AHRR: variants seen among roughly 807,000 people sequenced by gnomAD.
AHRR encodes the protein ahR repressor.
A neutral mutation model predicts 44.0 loss-of-function variants in AHRR; 28 were observed. That is an observed-to-expected ratio of 0.64 (90% CI 0.47 to 0.87). The LOEUF is 0.87. Among genes scored for constraint, AHRR ranks in the 40% least tolerant of loss-of-function variants. The probability of loss-of-function intolerance (pLI) is 0.00; values close to 1 mark genes in which losing one functional copy is unlikely to be tolerated. For synonymous variants in AHRR, 434 were observed against 407.0 expected, an observed-to-expected ratio of 1.07 and a Z score of -0.80; for missense variants, 990 against 953.9, an observed-to-expected ratio of 1.04 and a Z score of -0.50.
At chr5:423,786 C>G in intron 6 of AHRR, 55 bp from the exon 7 acceptor site, 1 of 1,546,644 alleles carries the variant, frequency 6.5e-7, no homozygotes, top group East Asian at 2.3e-5. Context: ...GTGCGTGTGA[C>G]ACGTGTGTTT....
intron 4 of AHRR, among the ~76,000 whole-genome samples, chr5:390,001 AGACAG>A (rs927912740): frequency 6.6e-6 from 1 of 151,568 alleles, no homozygotes; most frequent in African/African-American, 2.4e-5. Context: ...CGCAGAATGC[AGACAG>A]GACAGGACAG....
chr5:435,364 G>GTTTTTT lies in AHRR; in HGVS notation c.*531_*532insTTTTTT. 1 of 159,720 alleles carries GTTTTTT rather than the reference G, an allele frequency of 6.3e-6. No individual in the cohort carries two copies. Among genetic ancestry groups the GTTTTTT allele is most frequent in the Non-Finnish European group, 1.4e-5 (1 of 72,576 alleles). 9.9% of individuals were successfully genotyped at this position (159,720 alleles called of 1,614,324 possible). A position where few individuals can be genotyped will look rare whatever the true frequency, so the allele number is the denominator to read the frequency against. On this transcript the variant is annotated 3_prime_UTR_variant, in exon 11 of 11. Transcript: ENST00000684583. ...GGTCAGCCCATCGCCACAGTGCACT[G>GTTTTTT]TAGAGGCCAGCACACGGCAAATTAG...
chr5:395,528 T>A lies in AHRR; in HGVS notation c.352-17816T>A, dbSNP rs1368538359. Among the ~76,000 whole-genome samples the A allele has an allele frequency of 6.6e-6, 1 of 152,174 alleles. No homozygotes were observed. Among genetic ancestry groups the A allele is most frequent in the African/African-American group, 2.4e-5 (1 of 41,456 alleles). On this transcript the variant is annotated intron_variant, in intron 4 of 10. Coordinates refer to ENST00000684583, the MANE Select transcript of AHRR (RefSeq NM_001377236.1). This position sits in a 1 kb window ranked among gnomAD's most constrained non-coding sequence, Gnocchi z 5.3. ...AGGCCAGGTCATCAGAAGCGCCTGCTCCAGCTCCCACCCTGCCTGTGCCCA... is the reference window on the plus strand; with the variant it reads ...AGGCCAGGTCATCAGAAGCGCCTGCACCAGCTCCCACCCTGCCTGTGCCCA...
rs560483436 is a variant in AHRR, at chr5:324,104, G to C, written c.-11+2285G>C. ...AGACAGAGTCTTGTTCTGTCACCCA[G>C]GCTGGAGTGCAATGGCGCTTTCTTG... On this transcript the variant is annotated intron_variant, in intron 1 of 10. Coordinates refer to ENST00000684583, the MANE Select transcript of AHRR (RefSeq NM_001377236.1). 2.4e-3 allele frequency among the ~76,000 whole-genome samples: 362 copies of C among 150,924 alleles called. 3 individuals carry two copies. Among genetic ancestry groups the C allele is most frequent in the East Asian group, 1.2e-3 (6 of 5,118 alleles).
chr5:422,410 G>A, intron 5 of AHRR: 2 of 393,034 alleles, frequency 5.1e-6, no homozygotes, highest in Non-Finnish European at 9.6e-6. Flanking sequence ...CAAGTCGACA[G>A]GAAAGTGGAT....
At chr5:381,052 G>A (rs1456009307) in intron 4 of AHRR, among the ~76,000 whole-genome samples, 2 of 152,222 alleles carry the variant, frequency 1.3e-5, no homozygotes, top group African/African-American at 2.4e-5. Flanking sequence ...AGGGCAAGAG[G>A]AGAAAAAGGC....
rs1491351267 is a variant in AHRR at position 345,335 on chromosome 5, G to GAT, written c.62+1372_62+1373dup. 1.3e-3 allele frequency among the ~76,000 whole-genome samples: 13 copies of GAT among 10,096 alleles called. 1 individual carries two copies. Among genetic ancestry groups the GAT allele is most frequent in the African/African-American group, 5.4e-3 (13 of 2,400 alleles). The allele number at this position is 10,096 out of a possible 152,430, so 6.6% of individuals were successfully genotyped here. On this transcript the variant is annotated intron_variant, in intron 2 of 10. Transcript: ENST00000684583. ...GGATGTGTGTGTGTGTGTGTGTGGGGATGTGTGTGTGTGTGTGTCGGATGA... is the reference window on the plus strand; with the variant it reads ...GGATGTGTGTGTGTGTGTGTGTGGGGATATGTGTGTGTGTGTGTGTCGGATGA...
At chr5:378,176 C>T (rs908072692) in intron 4 of AHRR, among the ~76,000 whole-genome samples, 5 of 152,172 alleles carry the variant, frequency 3.3e-5, no homozygotes, top group African/African-American at 9.7e-5. Context: ...TCCAACAGGG[C>T]AAAATAAGCA....
intron 5 of AHRR, chr5:421,446 G>A (rs1049812634): frequency 3.7e-6 from 2 of 543,036 alleles, no homozygotes; most frequent in Non-Finnish European, 3.3e-6. Flanking sequence ...GGGTGCCGGC[G>A]ATGCCCTGTG....
At chr5:333,420 A>T (rs1351336830) in intron 1 of AHRR, among the ~76,000 whole-genome samples, 1 of 152,100 alleles carries the variant, frequency 6.6e-6, no homozygotes, top group African/African-American at 2.4e-5. Flanking sequence ...ACATGGTGAA[A>T]CCCCATCTCT....
chr5:341,657 G>A (rs1579597716), intron 1 of AHRR, among the ~76,000 whole-genome samples: 1 of 151,592 alleles, frequency 6.6e-6, no homozygotes, highest in Admixed American at 6.6e-5. Flanking sequence ...GAGTAGCTGG[G>A]ATTATAGGCA....
In AHRR at chr5:346,061, C is replaced by A. The variant is rs144634214; in HGVS notation, c.62+2097C>A. Reference sequence around the variant, plus strand: ...GGTGAGCACATGCGCAAAACCATGCCTGGGGCCAGGCACACAGCCGAGGCC... The same window carrying A: ...GGTGAGCACATGCGCAAAACCATGCATGGGGCCAGGCACACAGCCGAGGCC... On this transcript the variant is annotated intron_variant, in intron 2 of 10. Coordinates refer to ENST00000684583, the MANE Select transcript of AHRR (RefSeq NM_001377236.1). Among the ~76,000 whole-genome samples, 249 of 152,292 alleles carry A rather than the reference C, an allele frequency of 1.6e-3. 1 individual carries two copies. Among genetic ancestry groups the A allele is most frequent in the Admixed American group, 3.8e-3 (58 of 15,302 alleles).
At chr5:369,294 G>A (rs1743482752) in intron 3 of AHRR, among the ~76,000 whole-genome samples, 1 of 152,050 alleles carries the variant, frequency 6.6e-6, no homozygotes, top group African/African-American at 2.4e-5. Context: ...CCTCTTCCTG[G>A]GCATTCTGTC....
At chr5:353,315 T>A (rs1272575182) in intron 2 of AHRR, among the ~76,000 whole-genome samples, 1 of 151,808 alleles carries the variant, frequency 6.6e-6, no homozygotes, top group Non-Finnish European at 1.5e-5. Flanking sequence ...CACCGAGGAG[T>A]CCCCTAAGGA....
At chr5:428,444 C>T (rs1243698056) in intron 8 of AHRR, among the ~76,000 whole-genome samples, 1 of 152,166 alleles carries the variant, frequency 6.6e-6, no homozygotes, top group African/African-American at 2.4e-5. Context: ...GGAGGGTGAA[C>T]GGCACAGCTG....
intron 3 of AHRR, among the ~76,000 whole-genome samples, chr5:366,483 C>T (rs918619980): frequency 6.6e-6 from 1 of 151,934 alleles, no homozygotes; most frequent in Non-Finnish European, 1.5e-5. Flanking sequence ...TAATTAATGG[C>T]TATAAGAAGA....
chr5:335,746 C>T (rs1225053215), intron 1 of AHRR, among the ~76,000 whole-genome samples: 5 of 152,222 alleles, frequency 3.3e-5, no homozygotes, highest in Admixed American at 3.3e-4. Context: ...GCATGCTCCC[C>T]CATCCTGGCT....
intron 2 of AHRR, among the ~76,000 whole-genome samples, chr5:344,833 A>T (rs796234736): frequency 1.7e-5 from 1 of 57,146 alleles, no homozygotes; most frequent in Non-Finnish European, 3.1e-5. Flanking sequence ...GGGGGACTGT[A>T]GGGAGCTGTG....
At chr5:392,929 G>A (rs537247830) in intron 4 of AHRR, among the ~76,000 whole-genome samples, 60 of 152,072 alleles carry the variant, frequency 3.9e-4, no homozygotes, top group African/African-American at 1.4e-3. Context: ...TGCAGGTGAC[G>A]GGTCAAGGGA....
Sources: gnomAD v4.1 joint callset for allele counts (sites outside exome capture counted in the v4.1 genomes callset) on GRCh38, gnomAD v4.1.1 for gene constraint, Gnocchi (gnomAD v3.1) non-coding constraint, MANE v1.5 for transcripts, NCBI Gene and HGNC (gene_info 2026-07-23, HGNC 2026-07-21) for gene names.